Variants in KIF17 observed in about 807,000 individuals in gnomAD.
The protein encoded by KIF17 is kinesin family member 17.
In KIF17, 80 loss-of-function variants were observed where a neutral mutation model predicts 96.8. That is an observed-to-expected ratio of 0.83 (90% CI 0.69 to 1.00). The LOEUF (loss-of-function observed/expected upper bound fraction) is 1.00, where lower values mean the gene tolerates loss of function less well. Ranked by LOEUF, KIF17 falls within the 50% of genes least tolerant of loss-of-function variation. The pLI is 0.00. For missense variants in KIF17, 1,280 were observed against 1,372.9 expected, an observed-to-expected ratio of 0.93 and a Z score of 1.07; for synonymous variants, 567 against 587.5, an observed-to-expected ratio of 0.97 and a Z score of 0.51.
Position 20,717,515 on chromosome 1 carries a change from G to C in KIF17, c.192C>G (p.Thr64=). The C allele has an allele frequency of 6.2e-7, 1 of 1,611,948 alleles. No individual in the cohort carries two copies. The highest frequency in any genetic ancestry group is 1.1e-5 in the South Asian group (1 of 91,086). The change falls in exon 1 of 15, where the codon ACC becomes ACG. Residue 64 remains threonine (T), a synonymous_variant. Transcript: ENST00000400463. ...FDGAYHVDHV[T]EQIYNEIAYP... The stretch of plus-strand genomic sequence containing the variant: ...AGGCGATCTCGTTGTAGATCTGCTC[G>C]GTGACGTGGTCCACGTGGTAGGCGC...
rs1776339 is a variant in KIF17, at chr1:20,699,228, G to C, written c.1124-740C>G. ...CCTGCGAAAGTGCTGGGATTACAGG[G>C]GTGAGCTGCCTTGCCCGGCCCAAGT... On this transcript the variant is annotated intron_variant, in intron 5 of 14. Coordinates refer to ENST00000400463, the MANE Select transcript of KIF17 (RefSeq NM_001122819.3). This position sits in a 1 kb window ranked among gnomAD's most constrained non-coding sequence, Gnocchi z 4.3. Among the ~76,000 whole-genome samples the C allele has an allele frequency of 6.6e-6, 1 of 152,180 alleles. No homozygotes were observed. Among genetic ancestry groups the C allele is most frequent in the Admixed American group, 6.5e-5 (1 of 15,282 alleles).
In KIF17 at chr1:20,686,513, C is replaced by T. The variant is rs911395682; in HGVS notation, c.1939-387G>A. ...CACACACACAAAATACACACACACA[C>T]ACACAGAGGAAAGGAAAGCAGAGAA... On this transcript the variant is annotated intron_variant, in intron 8 of 14. Coordinates refer to ENST00000400463, the MANE Select transcript of KIF17 (RefSeq NM_001122819.3). 3.7e-4 allele frequency: 117 copies of T among 312,390 alleles called. 1 individual carries two copies. The highest frequency in any genetic ancestry group is 9.8e-4 in the South Asian group (24 of 24,584). 19.4% of individuals were successfully genotyped at this position (312,390 alleles called of 1,614,324 possible).
chr1:20,664,768 G>C lies in KIF17; in HGVS notation c.2909-6C>G. On this transcript the variant is annotated splice_region_variant and splice_polypyrimidine_tract_variant and intron_variant, in intron 14 of 14. Coordinates refer to ENST00000400463, the MANE Select transcript of KIF17 (RefSeq NM_001122819.3). The stretch of plus-strand genomic sequence containing the variant: ...TGGTGGCGAGTTGTGATGTGCTGTG[G>C]GGAAGAGGGCAGAGGTGCTGGTAAG... The C allele has an allele frequency of 6.2e-7, 1 of 1,611,686 alleles. No homozygotes were observed. Among genetic ancestry groups the C allele is most frequent in the Non-Finnish European group, 8.5e-7 (1 of 1,179,570 alleles).
intron 6 of KIF17, among the ~76,000 whole-genome samples, chr1:20,694,877 G>A (rs2054106612): frequency 6.6e-6 from 1 of 152,090 alleles, no homozygotes; most frequent in South Asian, 2.1e-4. Flanking sequence ...CAGGGCCCAT[G>A]ACTCGAGTCA....
intron 5 of KIF17, among the ~76,000 whole-genome samples, chr1:20,703,170 G>GATGGATGA (rs5772914): frequency 0.48 from 68,877 of 144,850 alleles, 16,060 homozygotes; most frequent in East Asian, 0.54. Flanking sequence ...GATGGAGATG[G>GATGGATGA]ATGGATGAAT....
intron 2 of KIF17, among the ~76,000 whole-genome samples, chr1:20,713,998 C>T (rs1344866373): frequency 1.3e-5 from 2 of 151,976 alleles, no homozygotes; most frequent in South Asian, 2.1e-4. Context: ...ACCAGCCTGA[C>T]CAACAAGGTG....
rs148180183 is a variant in KIF17, at chr1:20,712,510, C to T, written c.480+944G>A. Among the ~76,000 whole-genome samples the T allele has an allele frequency of 9.9e-5, 14 of 140,774 alleles. 1 individual carries two copies. The East Asian group carries it at 1.8e-3, about 18-fold the overall frequency. The allele number at this position is 140,774 out of a possible 152,430, so 92.4% of individuals were successfully genotyped here. A position where few individuals can be genotyped will look rare whatever the true frequency, so the allele number is the denominator to read the frequency against. On this transcript the variant is annotated intron_variant, in intron 3 of 14. Coordinates refer to ENST00000400463, the MANE Select transcript of KIF17 (RefSeq NM_001122819.3). Reference sequence around the variant, plus strand: ...AGGAGTTCGAAGCCAGCTTGGGCAACGCAGCGAGACCTTGTCATATATATA... The same window carrying T: ...AGGAGTTCGAAGCCAGCTTGGGCAATGCAGCGAGACCTTGTCATATATATA...
chr1:20,683,599 G>C (rs756369284), intron 10 of KIF17, among the ~76,000 whole-genome samples: 1 of 151,998 alleles, frequency 6.6e-6, no homozygotes, highest in Admixed American at 6.6e-5. Context: ...AGGTTGCAGT[G>C]AGCCGAGATC....
chr1:20,710,234 G>A (rs1251080287), intron 3 of KIF17, among the ~76,000 whole-genome samples: 1 of 152,214 alleles, frequency 6.6e-6, no homozygotes, highest in Admixed American at 6.5e-5. Flanking sequence ...ACAAAGGTGG[G>A]TTTCCTTTAG....
chr1:20,708,153 C>G (rs61778504), intron 4 of KIF17, among the ~76,000 whole-genome samples: 1 of 152,032 alleles, frequency 6.6e-6, no homozygotes, highest in African/African-American at 2.4e-5. Flanking sequence ...TGGTCTCTGC[C>G]CCTCCCTGAG....
rs2054193418 is a variant in KIF17 at position 20,699,309 on chromosome 1, C to A, written c.1124-821G>T. On this transcript the variant is annotated intron_variant, in intron 5 of 14. Coordinates refer to ENST00000400463, the MANE Select transcript of KIF17 (RefSeq NM_001122819.3). This position sits in a 1 kb window ranked among gnomAD's most constrained non-coding sequence, Gnocchi z 4.3. ...CAGTGTCTCATGTCTGTAACCCCAGCACTTTGGGAGGCCTAGGCGGGTGGA... is the reference window on the plus strand; with the variant it reads ...CAGTGTCTCATGTCTGTAACCCCAGAACTTTGGGAGGCCTAGGCGGGTGGA... 6.6e-6 allele frequency among the ~76,000 whole-genome samples: 1 copy of A among 152,138 alleles called. No individual in the cohort carries two copies. The highest frequency in any genetic ancestry group is 6.5e-5 in the Admixed American group (1 of 15,276).
Position 20,682,841 on chromosome 1 carries a change from T to C in KIF17, c.2275A>G (p.Lys759Glu). 6.2e-7 allele frequency: 1 copy of C among 1,612,292 alleles called. No homozygotes were observed. Among genetic ancestry groups the C allele is most frequent in the East Asian group, 2.2e-5 (1 of 44,880 alleles). ...TGCTTCTCCTTCAGGTCCTTGTTCT[T>C]GGCCTGCTCTCCACCCACAACCTGC... ...EQQVVGGEQA[K>E]NKDLKEKHKR... Residue 759 changes from lysine to glutamate, a missense_variant, in exon 11 of 15, where the codon AAG becomes GAG. Lys to Glu is a moderately conservative substitution (Grantham distance 56, BLOSUM62 1). Transcript: ENST00000400463.
chr1:20,702,674 C>T (rs1238290966), intron 5 of KIF17, among the ~76,000 whole-genome samples: 1 of 152,206 alleles, frequency 6.6e-6, no homozygotes, highest in Non-Finnish European at 1.5e-5. Flanking sequence ...CATCTCTGCA[C>T]ACACTGGACA....
At chr1:20,662,652 G>A (rs1365587291), downstream of KIF17, among the ~76,000 whole-genome samples, 2 of 152,240 alleles carry the variant, frequency 1.3e-5, no homozygotes, top group African/African-American at 4.8e-5. Context: ...AGTCGGCCAC[G>A]GCACAGGGAC....
Position 20,713,453 on chromosome 1 carries a change from CCTCCAGCTTCTG to C in KIF17, c.469_480del (p.Gln157_Glu160del). On this transcript the variant is annotated inframe_deletion and splice_region_variant, in exon 3 of 15. Coordinates refer to ENST00000400463, the MANE Select transcript of KIF17 (RefSeq NM_001122819.3). ...CCTGCCCACAATGGGTCTGCACCCA[CCTCCAGCTTCTG>C]CTTGGTGTCAGCCCCAAGGAGGTCC... The C allele has an allele frequency of 6.2e-7, 1 of 1,611,786 alleles. No individual in the cohort carries two copies. The highest frequency in any genetic ancestry group is 1.7e-4 in the Middle Eastern group (1 of 6,008).
intron 6 of KIF17, among the ~76,000 whole-genome samples, chr1:20,695,537 C>T (rs1288612844): frequency 6.6e-6 from 1 of 152,158 alleles, no homozygotes; most frequent in South Asian, 2.1e-4. Flanking sequence ...AGGCGGGTTT[C>T]GACATGGCTG....
intron 5 of KIF17, among the ~76,000 whole-genome samples, chr1:20,702,933 G>A (rs1449667473): frequency 6.6e-6 from 1 of 152,244 alleles, no homozygotes; most frequent in Non-Finnish European, 1.5e-5. Context: ...TCATCTCTGT[G>A]TATCCAGTAC....
rs143403911 is a variant in KIF17, at chr1:20,691,732, G to T, written c.1234-1397C>A. ...GATCCACCAGCCTCAGCCTCCCAAA[G>T]TGCTGGGATTACAGGCATGAGCCAC... On this transcript the variant is annotated intron_variant, in intron 6 of 14. Transcript: ENST00000400463. Among the ~76,000 whole-genome samples, 3 of 151,086 alleles carry T rather than the reference G, an allele frequency of 2.0e-5. No individual in the cohort carries two copies. The East Asian group carries it at 5.8e-4, about 29-fold the overall frequency.
chr1:20,717,897 G>A lies in KIF17; in HGVS notation c.-191C>T, dbSNP rs1187806108. On this transcript the variant is annotated 5_prime_UTR_variant, in exon 1 of 15. Coordinates refer to ENST00000400463, the MANE Select transcript of KIF17 (RefSeq NM_001122819.3). ...AGGGGAGCTGGGCGTCGCAGGACCC[G>A]AGCCGGGGCCGCCGCTTCCTCCCGC... The A allele has an allele frequency of 1.8e-5, 5 of 283,274 alleles. No homozygotes were observed. Among genetic ancestry groups the A allele is most frequent in the Non-Finnish European group, 2.9e-5 (5 of 175,402 alleles). The allele number at this position is 283,274 out of a possible 1,614,324, so 17.5% of individuals were successfully genotyped here.
Sources: gnomAD v4.1 joint callset for allele counts (sites outside exome capture counted in the v4.1 genomes callset) on GRCh38, gnomAD v4.1.1 for gene constraint, Gnocchi (gnomAD v3.1) non-coding constraint, MANE v1.5 for transcripts, NCBI Gene and HGNC (gene_info 2026-07-23, HGNC 2026-07-21) for gene names.